AFG1L: variants seen among roughly 807,000 people sequenced by gnomAD.
The protein encoded by AFG1L is AFG1 like ATPase, also known as AFG1-like ATPase.
Under a neutral mutation model 62.2 loss-of-function variants are expected in AFG1L, and 53 were observed. That is an observed-to-expected ratio of 0.85 (90% CI 0.68 to 1.07). The LOEUF is 1.07. Ranked by LOEUF, AFG1L falls within the 50% of genes least tolerant of loss-of-function variation. The probability of loss-of-function intolerance (pLI) is 0.00; values close to 1 mark genes in which losing one functional copy is unlikely to be tolerated. For missense variants in AFG1L, 555 were observed against 590.5 expected, an observed-to-expected ratio of 0.94 and a Z score of 0.62; for synonymous variants, 228 against 210.3, an observed-to-expected ratio of 1.08 and a Z score of -0.73.
At position 108,295,229 on chromosome 6, in the gene AFG1L, G is replaced by A. The variant is rs1355285506; in HGVS notation, c.139+11G>A. 1.3e-6 allele frequency: 2 copies of A among 1,596,310 alleles called. No homozygotes were observed. Among genetic ancestry groups the A allele is most frequent in the Admixed American group, 3.4e-5 (2 of 58,894 alleles). The stretch of plus-strand genomic sequence containing the variant: ...AGCCCTTTTGGAAAGGTCAGTGACT[G>A]TGCCATGAGTAGTCCGAGCCGACTG... On this transcript the variant is annotated intron_variant, in intron 1 of 12. Transcript: ENST00000368977.
At chr6:108,428,128 T>C (rs1035840472) in intron 7 of AFG1L, among the ~76,000 whole-genome samples, 1 of 152,128 alleles carries the variant, frequency 6.6e-6, no homozygotes, top group East Asian at 1.9e-4. Flanking sequence ...GAGTCTCTAA[T>C]GTCCATTATA....
chr6:108,340,430 C>A (rs1778638579), intron 2 of AFG1L, among the ~76,000 whole-genome samples: 2 of 146,690 alleles, frequency 1.4e-5, no homozygotes, highest in Non-Finnish European at 3.0e-5. Context: ...GTGGTGTGAT[C>A]TAAGCTCACT....
intron 10 of AFG1L, among the ~76,000 whole-genome samples, chr6:108,482,395 T>G (rs915008832): frequency 1.3e-5 from 2 of 152,182 alleles, no homozygotes; most frequent in Non-Finnish European, 2.9e-5. Flanking sequence ...GTTTTGGGCT[T>G]ATGGAAAATC....
chr6:108,446,491 C>CTTTTTTTTTT (rs1184074963), intron 7 of AFG1L, among the ~76,000 whole-genome samples: 2 of 122,290 alleles, frequency 1.6e-5, no homozygotes, highest in African/African-American at 3.5e-5. Context: ...CTCTCTCTCT[C>CTTTTTTTTTT]TTTTTTTTTT....
chr6:108,392,370 TAA>T (rs956243010), intron 6 of AFG1L, among the ~76,000 whole-genome samples: 8 of 152,178 alleles, frequency 5.3e-5, no homozygotes, highest in African/African-American at 1.7e-4. Flanking sequence ...GTGATGTATA[TAA>T]GTTATATATG....
intron 7 of AFG1L, among the ~76,000 whole-genome samples, chr6:108,442,982 C>G (rs1771612936): frequency 6.6e-6 from 1 of 152,160 alleles, no homozygotes; most frequent in South Asian, 2.1e-4. Flanking sequence ...ACAGTACAAC[C>G]CAGGATGCAC....
intron 1 of AFG1L, among the ~76,000 whole-genome samples, chr6:108,323,480 G>A (rs1255559543): frequency 1.3e-5 from 2 of 151,892 alleles, no homozygotes; most frequent in Admixed American, 6.6e-5. Flanking sequence ...TCGTGCCTCA[G>A]CCCCCCAGGT....
intron 10 of AFG1L, among the ~76,000 whole-genome samples, chr6:108,498,283 A>G (rs1268023258): frequency 6.6e-6 from 1 of 152,214 alleles, no homozygotes; most frequent in African/African-American, 2.4e-5. Flanking sequence ...TTGCAATCCA[A>G]AGGATATGGA....
At chr6:108,311,595 C>G (rs1266471582) in intron 1 of AFG1L, among the ~76,000 whole-genome samples, 1 of 151,704 alleles carries the variant, frequency 6.6e-6, no homozygotes, top group African/African-American at 2.4e-5. Flanking sequence ...CTCCGGGGCT[C>G]AAGCGATCCT....
At chr6:108,316,133 G>A (rs1295356364) in intron 1 of AFG1L, among the ~76,000 whole-genome samples, 4 of 151,878 alleles carry the variant, frequency 2.6e-5, no homozygotes, top group Admixed American at 2.6e-4. Flanking sequence ...TGTAATCCCA[G>A]CACTTTGCGA....
chr6:108,516,389 A>G (rs1233897005), intron 11 of AFG1L, among the ~76,000 whole-genome samples: 2 of 152,234 alleles, frequency 1.3e-5, no homozygotes, highest in Non-Finnish European at 2.9e-5. Flanking sequence ...CTACAGAACC[A>G]AAGACAAAAA....
In AFG1L at chr6:108,381,528, A is replaced by G. The variant is rs548945405; in HGVS notation, c.748+15196A>G. On this transcript the variant is annotated intron_variant, in intron 6 of 12. Transcript: ENST00000368977. The stretch of plus-strand genomic sequence containing the variant: ...GCTACAGTGAGCTACAGTCATGCCT[A>G]TGAATAGCCACTGACTCTAGCCTGG... 2.1e-3 allele frequency among the ~76,000 whole-genome samples: 327 copies of G among 152,270 alleles called. 1 individual carries two copies. Among genetic ancestry groups the G allele is most frequent in the South Asian group, 3.9e-3 (19 of 4,828 alleles).
chr6:108,336,471 C>T (rs78136659), intron 2 of AFG1L, among the ~76,000 whole-genome samples: 4 of 151,996 alleles, frequency 2.6e-5, no homozygotes, highest in African/African-American at 9.7e-5. Flanking sequence ...ATGAGAATCA[C>T]CTTGGATCAT....
chr6:108,333,175 C>CAATT (rs1778343029), intron 2 of AFG1L, among the ~76,000 whole-genome samples: 2 of 150,196 alleles, frequency 1.3e-5, no homozygotes, highest in Non-Finnish European at 3.0e-5. Context: ...TTTGGGAGGC[C>CAATT]GAGGCGGGCA....
At chr6:108,495,006 C>T (rs1028960547) in intron 10 of AFG1L, among the ~76,000 whole-genome samples, 66 of 152,126 alleles carry the variant, frequency 4.3e-4, no homozygotes, top group African/African-American at 1.6e-3. Context: ...AACTCCTGAC[C>T]TCAAGTGATC....
At chr6:108,371,369 G>T (rs1779996127) in intron 6 of AFG1L, among the ~76,000 whole-genome samples, 4 of 151,976 alleles carry the variant, frequency 2.6e-5, no homozygotes, top group Admixed American at 2.6e-4. Flanking sequence ...TTGAGCGCAG[G>T]AGTTTGAGAC....
chr6:108,303,743 T>C (rs1039844193), intron 1 of AFG1L, among the ~76,000 whole-genome samples: 5 of 152,198 alleles, frequency 3.3e-5, no homozygotes, highest in African/African-American at 1.2e-4. Context: ...ATCATTTAAA[T>C]GCAACTCCTG....
chr6:108,462,423 A>C (rs551332651), intron 8 of AFG1L, among the ~76,000 whole-genome samples: 13 of 152,254 alleles, frequency 8.5e-5, no homozygotes, highest in Admixed American at 2.0e-4. Flanking sequence ...ACAAAAAAAA[A>C]CACTCCCGAA....
intron 3 of AFG1L, among the ~76,000 whole-genome samples, chr6:108,352,146 C>A (rs1419344279): frequency 6.6e-6 from 1 of 152,162 alleles, no homozygotes; most frequent in African/African-American, 2.4e-5. Context: ...TTCCACATCC[C>A]ACCCCAGACT....
Sources: allele counts gnomAD v4.1 joint callset (sites outside exome capture counted in the v4.1 genomes callset), GRCh38; gene constraint gnomAD v4.1.1; transcripts MANE v1.5; gene names NCBI Gene and HGNC (gene_info 2026-07-23, HGNC 2026-07-21).